The following GPC6 variants were observed in gnomAD, a reference collection of about 807,000 sequenced individuals.
GPC6 encodes the protein glypican 6, also known as glypican-6.
Under a neutral mutation model 55.2 loss-of-function variants are expected in GPC6, and 14 were observed. That is an observed-to-expected ratio of 0.25 (90% CI 0.17 to 0.40). The LOEUF (loss-of-function observed/expected upper bound fraction) is 0.40. GPC6 is among the 10% of genes least tolerant of loss of function. GPC6 has a pLI of 1.00. For synonymous variants in GPC6, 278 were observed against 259.6 expected (o/e 1.07, Z -0.68); for missense variants, 641 against 708.5 (o/e 0.90, Z 1.08).
chr13:93,644,808 AAATG>A (rs1410461208), intron 2 of GPC6, among the ~76,000 whole-genome samples: 10 of 136,070 alleles, frequency 7.3e-5, no homozygotes, highest in Non-Finnish European at 1.3e-4. Flanking sequence ...ATAAATAAAT[AAATG>A]GTGGCCCATA....
intron 3 of GPC6, among the ~76,000 whole-genome samples, chr13:93,904,332 T>C (rs1219635521): frequency 2.0e-5 from 3 of 152,310 alleles, no homozygotes; most frequent in South Asian, 2.1e-4. Flanking sequence ...TGCATCTTTA[T>C]GAGAACCTAT....
chr13:93,303,872 A>ATT (rs33964040), intron 1 of GPC6, among the ~76,000 whole-genome samples: 14,046 of 128,850 alleles, frequency 0.11, 909 homozygotes, highest in Admixed American at 0.14. Flanking sequence ...TGTAGATACT[A>ATT]TTTTTTTTTT....
intron 1 of GPC6, among the ~76,000 whole-genome samples, chr13:93,326,897 A>G (rs1879677598): frequency 6.6e-6 from 1 of 152,170 alleles, no homozygotes. Flanking sequence ...AGCAAATGTC[A>G]TTTGTGGAAT....
chr13:94,039,214 C>G (rs1344974969), intron 4 of GPC6, among the ~76,000 whole-genome samples: 1 of 151,942 alleles, frequency 6.6e-6, no homozygotes, highest in Admixed American at 6.6e-5. Flanking sequence ...AAAGTCAGGC[C>G]AAATACTTGA....
chr13:93,827,971 C>T (rs1887325136), intron 2 of GPC6, among the ~76,000 whole-genome samples: 1 of 151,618 alleles, frequency 6.6e-6, no homozygotes, highest in Non-Finnish European at 1.5e-5. Context: ...ACATTTATTT[C>T]TCAAGACTTT....
At chr13:93,569,906 A>G (rs1239507423) in intron 2 of GPC6, among the ~76,000 whole-genome samples, 1 of 152,160 alleles carries the variant, frequency 6.6e-6, no homozygotes, top group East Asian at 1.9e-4. Context: ...CCTTCAAAAT[A>G]TAAAGTATCT....
chr13:93,594,911 A>G (rs1877657900), intron 2 of GPC6, among the ~76,000 whole-genome samples: 1 of 151,800 alleles, frequency 6.6e-6, no homozygotes, highest in Non-Finnish European at 1.5e-5. Flanking sequence ...TCATCTTCCA[A>G]AATACACCAC....
Position 93,623,490 on chromosome 13 carries a change from G to A in GPC6, c.319+78069G>A, listed in dbSNP as rs574500257. On this transcript the variant is annotated intron_variant, in intron 2 of 8. Coordinates refer to ENST00000377047, the MANE Select transcript of GPC6 (RefSeq NM_005708.5). ...TTTTTTTTTTTTGAGACGGAGTCTC[G>A]CTCTCTCGCCCAGGCTGGAGTGCAG... Among the ~76,000 whole-genome samples the A allele has an allele frequency of 3.3e-3, 383 of 116,712 alleles. 3 individuals carry two copies. The highest frequency in any genetic ancestry group is 0.012 in the African/African-American group (350 of 30,262). 76.6% of individuals were successfully genotyped at this position (116,712 alleles called of 152,430 possible).
At chr13:94,013,705 T>C (rs377113887) in intron 3 of GPC6, among the ~76,000 whole-genome samples, 42 of 152,328 alleles carry the variant, frequency 2.8e-4, no homozygotes, top group African/African-American at 9.4e-4. Context: ...GACACTGAAT[T>C]TGTAATATAC....
At chr13:94,021,615 C>G (rs538477989) in intron 3 of GPC6, among the ~76,000 whole-genome samples, 4 of 151,838 alleles carry the variant, frequency 2.6e-5, no homozygotes, top group African/African-American at 9.6e-5. Context: ...ATGTGTTGCA[C>G]TTTAGCCATA....
At chr13:94,275,454 T>C (rs943109461) in intron 4 of GPC6, among the ~76,000 whole-genome samples, 1 of 152,138 alleles carries the variant, frequency 6.6e-6, no homozygotes, top group Non-Finnish European at 1.5e-5. Flanking sequence ...ATCTGGACTA[T>C]ATTTAATGAG....
intron 3 of GPC6, among the ~76,000 whole-genome samples, chr13:93,991,904 T>C (rs980383884): frequency 4.6e-5 from 7 of 152,158 alleles, no homozygotes; most frequent in African/African-American, 1.7e-4. Context: ...CTGAAGATTT[T>C]AAAAACATTC....
intron 1 of GPC6, among the ~76,000 whole-genome samples, chr13:93,365,593 T>G (rs1179525382): frequency 6.6e-6 from 1 of 152,026 alleles, no homozygotes; most frequent in Non-Finnish European, 1.5e-5. Flanking sequence ...GTGTCACATT[T>G]GTTAATGTAA....
intron 4 of GPC6, among the ~76,000 whole-genome samples, chr13:94,252,819 G>A (rs1177350866): frequency 6.6e-6 from 1 of 152,020 alleles, no homozygotes; most frequent in Non-Finnish European, 1.5e-5. Context: ...GAGGAAAAAT[G>A]CAACTAAAAT....
At chr13:93,596,633 AT>A (rs71743744) in intron 2 of GPC6, among the ~76,000 whole-genome samples, 1,646 of 146,672 alleles carry the variant, frequency 0.011, 35 homozygotes, top group Admixed American at 0.054. Flanking sequence ...ATATATATAT[AT>A]AATGTATATG....
intron 2 of GPC6, among the ~76,000 whole-genome samples, chr13:93,667,033 AATAGTTTAC>A (rs1291624092): frequency 6.6e-6 from 1 of 152,190 alleles, no homozygotes; most frequent in Non-Finnish European, 1.5e-5. Flanking sequence ...GAAAAAAAGA[AATAGTTTAC>A]ATGTGTTCAG....
At chr13:93,756,378 C>T (rs1014378415) in intron 2 of GPC6, among the ~76,000 whole-genome samples, 1 of 152,160 alleles carries the variant, frequency 6.6e-6, no homozygotes, top group African/African-American at 2.4e-5. Context: ...TATCACAGTG[C>T]AGTCTCTTCC....
intron 1 of GPC6, among the ~76,000 whole-genome samples, chr13:93,459,141 C>CT (rs1295662078): frequency 6.6e-6 from 1 of 152,210 alleles, no homozygotes; most frequent in Non-Finnish European, 1.5e-5. Context: ...TCACCGCAGT[C>CT]TTAACCTCCT....
intron 1 of GPC6, among the ~76,000 whole-genome samples, chr13:93,443,077 A>G (rs1030729067): frequency 5.3e-5 from 8 of 152,102 alleles, no homozygotes; most frequent in Admixed American, 2.6e-4. Flanking sequence ...TTCTTAGAGA[A>G]CCTAACACCT....
Sources: gnomAD v4.1 joint callset for allele counts (sites outside exome capture counted in the v4.1 genomes callset) on GRCh38, gnomAD v4.1.1 for gene constraint, MANE v1.5 for transcripts, NCBI Gene and HGNC (gene_info 2026-07-23, HGNC 2026-07-21) for gene names.